FBXW7: variants seen among roughly 807,000 people sequenced by gnomAD.
FBXW7 encodes F-box and WD repeat domain containing 7.
FBXW7 carries 11 observed loss-of-function variants against 86.3 expected under a neutral mutation model. The observed-to-expected ratio is 0.13, with a 90% confidence interval of 0.08 to 0.21. FBXW7 has a LOEUF of 0.21. FBXW7 is among the 10% of genes least tolerant of loss of function. The pLI, the probability that FBXW7 is intolerant of heterozygous loss-of-function variation, is 1.00. For missense variants in FBXW7, 488 were observed against 847.4 expected, an observed-to-expected ratio of 0.58 and a Z score of 5.27; for synonymous variants, 313 against 297.9, an observed-to-expected ratio of 1.05 and a Z score of -0.52.
chr4:152,340,403 C>T (rs1730606136), intron 6 of FBXW7, among the ~76,000 whole-genome samples: 1 of 151,676 alleles, frequency 6.6e-6, no homozygotes, highest in Non-Finnish European at 1.5e-5. Flanking sequence ...TGGTGAAACC[C>T]CATCTCTACT....
chr4:152,444,023 GTTCTCTACAAACATGTGC>G (rs200267652), intron 2 of FBXW7, among the ~76,000 whole-genome samples: 4,793 of 151,904 alleles, frequency 0.032, 133 homozygotes, highest in Admixed American at 0.072. Flanking sequence ...TCTACAAAGC[GTTCTCTACAAACATGTGC>G]TTCTCTACAA....
intron 4 of FBXW7, among the ~76,000 whole-genome samples, chr4:152,394,845 G>A (rs914932654): frequency 6.6e-6 from 1 of 152,030 alleles, no homozygotes; most frequent in Non-Finnish European, 1.5e-5. Flanking sequence ...GTTTGTGCAA[G>A]GTCAAACTGC....
intron 2 of FBXW7, among the ~76,000 whole-genome samples, chr4:152,439,232 A>G (rs878863559): frequency 4.6e-5 from 7 of 151,892 alleles, no homozygotes; most frequent in African/African-American, 1.7e-4. Context: ...TTCCCACGTT[A>G]ATTTTTTTTT....
At chr4:152,351,965 A>C (rs1212460966) in intron 4 of FBXW7, among the ~76,000 whole-genome samples, 2 of 152,168 alleles carry the variant, frequency 1.3e-5, no homozygotes, top group Non-Finnish European at 2.9e-5. Flanking sequence ...TCTTTTAAAT[A>C]CTGTACTGTT....
intron 2 of FBXW7, among the ~76,000 whole-genome samples, chr4:152,452,367 T>C (rs969502612): frequency 1.3e-5 from 2 of 152,218 alleles, no homozygotes; most frequent in Admixed American, 1.3e-4. Context: ...AAATACAGCG[T>C]TGGTCATTAA....
chr4:152,464,076 G>A (rs978739723), intron 2 of FBXW7, among the ~76,000 whole-genome samples: 26 of 152,128 alleles, frequency 1.7e-4, no homozygotes, highest in African/African-American at 9.7e-5. Context: ...GCATGTTTAC[G>A]GCCAGATCCG....
intron 2 of FBXW7, among the ~76,000 whole-genome samples, chr4:152,448,713 A>C (rs1741637356): frequency 6.6e-6 from 1 of 152,206 alleles, no homozygotes; most frequent in Non-Finnish European, 1.5e-5. Context: ...ACACTACTAA[A>C]AAAGAATAAA....
intron 2 of FBXW7, among the ~76,000 whole-genome samples, chr4:152,482,754 T>C (rs1169190634): frequency 1.3e-5 from 2 of 152,196 alleles, no homozygotes; most frequent in Non-Finnish European, 2.9e-5. Context: ...ATTAATCTGA[T>C]GTAAAATATT....
rs1728994167 is a variant in FBXW7 at position 152,326,169 on chromosome 4, A to G, written c.1481T>C (p.Leu494Ser). Residue 494 changes from leucine (L) to serine (S), a missense_variant, in exon 12 of 14, where the codon TTA becomes TCA. By Grantham distance (145) the Leu-to-Ser change is moderately radical. Coordinates refer to ENST00000281708, the MANE Select transcript of FBXW7 (RefSeq NM_001349798.2). ...RVWDIETGQCLHVLMGHVAAV... is the reference protein window; with the variant it reads ...RVWDIETGQCSHVLMGHVAAV... ...TGCAACATGACCCATCAAAACATGT[A>G]AACACTGGCCTGTCTCAATATCCCA... 1 of 1,613,414 alleles carries G rather than the reference A, an allele frequency of 6.2e-7. No individual in the cohort carries two copies. The highest frequency in any genetic ancestry group is 8.5e-7 in the Non-Finnish European group (1 of 1,179,542).
At chr4:152,481,038 A>C (rs946453120) in intron 2 of FBXW7, among the ~76,000 whole-genome samples, 4 of 152,194 alleles carry the variant, frequency 2.6e-5, no homozygotes, top group African/African-American at 7.2e-5. Context: ...CTGGAAGAAG[A>C]AGCCATGTAG....
chr4:152,376,690 C>T (rs557444772), intron 4 of FBXW7, among the ~76,000 whole-genome samples: 2 of 152,072 alleles, frequency 1.3e-5, no homozygotes, highest in East Asian at 1.9e-4. Flanking sequence ...ATGAGAGGTG[C>T]TGTGTTTTTT....
rs138227813 is a variant in FBXW7 at position 152,406,883 on chromosome 4, T to C, written c.501+4420A>G. On this transcript the variant is annotated intron_variant, in intron 4 of 13. Coordinates refer to ENST00000281708, the MANE Select transcript of FBXW7 (RefSeq NM_001349798.2). ...AATGCTGAAGGTTGTAAAACATATA[T>C]ATAGAGATTGACAACCGCTGCGGGG... is the stretch of plus-strand genomic sequence containing the variant. Among the ~76,000 whole-genome samples the C allele has an allele frequency of 4.7e-3, 711 of 152,260 alleles. 6 individuals carry two copies. Among genetic ancestry groups the C allele is most frequent in the Middle Eastern group, 0.01 (3 of 294 alleles).
At chr4:152,388,454 A>G (rs1022064340) in intron 4 of FBXW7, among the ~76,000 whole-genome samples, 2 of 152,234 alleles carry the variant, frequency 1.3e-5, no homozygotes, top group African/African-American at 4.8e-5. Context: ...ATACTAGATT[A>G]TATAAGGTAT....
intron 2 of FBXW7, among the ~76,000 whole-genome samples, chr4:152,438,854 T>C (rs1740620758): frequency 6.6e-6 from 1 of 152,118 alleles, no homozygotes; most frequent in Admixed American, 6.5e-5. Flanking sequence ...CTACTTCATG[T>C]CAATATAGTA....
intron 2 of FBXW7, among the ~76,000 whole-genome samples, chr4:152,478,605 C>T (rs888810435): frequency 6.6e-6 from 1 of 152,024 alleles, no homozygotes; most frequent in Non-Finnish European, 1.5e-5. Flanking sequence ...TTGGATGATA[C>T]AATCATTCTA....
At chr4:152,492,135 A>G (rs1745915718) in intron 2 of FBXW7, among the ~76,000 whole-genome samples, 1 of 152,290 alleles carries the variant, frequency 6.6e-6, no homozygotes, top group Middle Eastern at 3.4e-3. Flanking sequence ...ACTTAATATA[A>G]ATGGAATAAT....
intron 2 of FBXW7, among the ~76,000 whole-genome samples, chr4:152,452,434 A>C (rs182153321): frequency 6.6e-5 from 10 of 152,334 alleles, no homozygotes; most frequent in African/African-American, 2.4e-4. Flanking sequence ...TAGAATAGCA[A>C]GTATAAAATG....
intron 2 of FBXW7, among the ~76,000 whole-genome samples, chr4:152,482,881 A>G (rs978787632): frequency 1.3e-5 from 2 of 152,170 alleles, no homozygotes; most frequent in African/African-American, 2.4e-5. Flanking sequence ...TAAATAAAAT[A>G]ATTTTAAGTT....
chr4:152,526,055 A>C (rs1482353590), intron 2 of FBXW7, among the ~76,000 whole-genome samples: 3 of 152,122 alleles, frequency 2.0e-5, no homozygotes, highest in African/African-American at 7.2e-5. Context: ...CTAATGAGTA[A>C]TATTGAGCTT....
Sources: allele counts gnomAD v4.1 joint callset (sites outside exome capture counted in the v4.1 genomes callset), GRCh38; gene constraint gnomAD v4.1.1; transcripts MANE v1.5; gene names NCBI Gene and HGNC (gene_info 2026-07-23, HGNC 2026-07-21).